CHN1: variants seen among roughly 807,000 people sequenced by gnomAD.
The protein encoded by CHN1 is chimerin 1, also known as N-chimaerin.
CHN1 carries 37 observed loss-of-function variants against 59.5 expected under a neutral mutation model. The ratio of observed to expected loss-of-function variants is 0.62; its 90% CI spans 0.48 to 0.82. The LOEUF is 0.82. CHN1 is among the 40% of genes least tolerant of loss of function. The pLI, the probability that CHN1 is intolerant of heterozygous loss-of-function variation, is 0.00. For missense variants in CHN1, 469 were observed against 571.0 expected (o/e 0.82, Z 1.82); for synonymous variants, 206 against 200.4 (o/e 1.03, Z -0.24).
At chr2:174,955,107 ATC>A (rs1202018585) in intron 1 of CHN1, among the ~76,000 whole-genome samples, 7 of 147,936 alleles carry the variant, frequency 4.7e-5, no homozygotes, top group African/African-American at 1.8e-4. Context: ...ATATATATAG[ATC>A]TATAGATCTA....
intron 1 of CHN1, among the ~76,000 whole-genome samples, chr2:174,992,022 G>A (rs915927626): frequency 6.6e-6 from 1 of 152,170 alleles, no homozygotes; most frequent in Non-Finnish European, 1.5e-5. Flanking sequence ...GAGATTCACA[G>A]AAAAAATGAT....
At chr2:174,888,507 C>G (rs1381461195) in intron 5 of CHN1, among the ~76,000 whole-genome samples, 1 of 152,068 alleles carries the variant, frequency 6.6e-6, no homozygotes, top group Non-Finnish European at 1.5e-5. Flanking sequence ...GGAGACAAAT[C>G]AAAACAAACA....
At chr2:174,937,997 GAACT>G (rs1689546107) in intron 3 of CHN1, among the ~76,000 whole-genome samples, 1 of 151,938 alleles carries the variant, frequency 6.6e-6, no homozygotes, top group Admixed American at 6.6e-5. Context: ...AGCACAAAAT[GAACT>G]AACACAGTAG....
intron 6 of CHN1, among the ~76,000 whole-genome samples, chr2:174,850,042 T>G (rs899101388): frequency 2.6e-5 from 4 of 152,216 alleles, no homozygotes; most frequent in Non-Finnish European, 4.4e-5. Flanking sequence ...CAAGATCTTA[T>G]GATCTCAAGT....
intron 7 of CHN1, among the ~76,000 whole-genome samples, chr2:174,834,202 C>T (rs1376431855): frequency 6.6e-6 from 1 of 152,182 alleles, no homozygotes; most frequent in Non-Finnish European, 1.5e-5. Context: ...TCCACTTCCC[C>T]CATCCTCTAC....
intron 7 of CHN1, among the ~76,000 whole-genome samples, chr2:174,846,602 T>C (rs1323316138): frequency 6.6e-6 from 1 of 152,194 alleles, no homozygotes; most frequent in Non-Finnish European, 1.5e-5. Context: ...AAATCATCAT[T>C]AACTGAGACC....
At chr2:174,800,919 G>A (rs1441256943) in intron 12 of CHN1, among the ~76,000 whole-genome samples, 4 of 152,192 alleles carry the variant, frequency 2.6e-5, no homozygotes, top group African/African-American at 9.6e-5. Flanking sequence ...TTAAACAAAG[G>A]TTTTAACTCA....
At chr2:174,807,216 G>A (rs1462767545) in intron 11 of CHN1, among the ~76,000 whole-genome samples, 2 of 152,156 alleles carry the variant, frequency 1.3e-5, no homozygotes, top group Non-Finnish European at 2.9e-5. Context: ...CAAAGGCCTC[G>A]AAGTCCAAGA....
At position 174,909,727 on chromosome 2, in the gene CHN1, G is replaced by A. The variant is rs146525255; in HGVS notation, c.260+5331C>T. On this transcript the variant is annotated intron_variant, in intron 5 of 12. Transcript: ENST00000409900. ...TGCTATTATTACATTTCTGAACTTA[G>A]TATGTGAGATATTACCTTAAATAAC... Among the ~76,000 whole-genome samples, 3 of 152,276 alleles carry A rather than the reference G, an allele frequency of 2.0e-5. No individual in the cohort carries two copies. In the East Asian group the frequency reaches 5.8e-4, roughly 29 times the overall value.
chr2:174,978,761 C>T (rs1170475955), intron 1 of CHN1, among the ~76,000 whole-genome samples: 2 of 152,124 alleles, frequency 1.3e-5, no homozygotes, highest in East Asian at 1.9e-4. Context: ...ATGTAGCTAA[C>T]GATACACAAT....
chr2:174,982,389 G>A (rs1691184063), intron 1 of CHN1, among the ~76,000 whole-genome samples: 1 of 152,132 alleles, frequency 6.6e-6, no homozygotes, highest in Non-Finnish European at 1.5e-5. Flanking sequence ...TTCCACAGTG[G>A]TTGAACTAGT....
intron 4 of CHN1, among the ~76,000 whole-genome samples, chr2:174,917,943 A>G (rs1688895412): frequency 6.6e-6 from 1 of 152,120 alleles, no homozygotes; most frequent in African/African-American, 2.4e-5. Flanking sequence ...CATTTTTCAC[A>G]AAACAGAAAA....
At chr2:174,955,848 C>G (rs748663481) in intron 1 of CHN1, among the ~76,000 whole-genome samples, 1 of 151,972 alleles carries the variant, frequency 6.6e-6, no homozygotes, top group Non-Finnish European at 1.5e-5. Flanking sequence ...AAGTATTGAG[C>G]ACACAAGGAT....
chr2:174,939,836 A>G lies in CHN1; in HGVS notation c.114+5052T>C, dbSNP rs1689603084. On this transcript the variant is annotated intron_variant, in intron 3 of 12. Coordinates refer to ENST00000409900, the MANE Select transcript of CHN1 (RefSeq NM_001822.7). ...ACATATACACAGACTGGAAATCTACATATATCTAAACTGCAACTGGACATT... is the reference window on the plus strand; with the variant it reads ...ACATATACACAGACTGGAAATCTACGTATATCTAAACTGCAACTGGACATT... Among the ~76,000 whole-genome samples, 4 of 152,194 alleles carry G rather than the reference A, an allele frequency of 2.6e-5. No homozygotes were observed. In the South Asian group the frequency reaches 8.3e-4, roughly 31 times the overall value.
In CHN1 at chr2:174,809,012, A is replaced by G; in HGVS notation, c.995T>C (p.Met332Thr). 2 of 1,610,612 alleles carry G rather than the reference A, an allele frequency of 1.2e-6. No individual in the cohort carries two copies. Among genetic ancestry groups the G allele is most frequent in the Non-Finnish European group, 8.5e-7 (1 of 1,178,592 alleles). Residue 332 changes from methionine (M) to threonine (T), a missense_variant, in exon 11 of 13, where the codon ATG (methionine) becomes ACG (threonine). Met to Thr is a moderately conservative substitution (Grantham distance 81). This residue lies in a region of CHN1 where 225 missense variants were observed against 289.9 expected (regional missense o/e 0.78). Transcript: ENST00000409900. ...DGEKADISVN[M>T]YEDINIITGA... The stretch of plus-strand genomic sequence containing the variant: ...AGTGATAATGTTGATATCTTCATAC[A>G]TGTTCACAGAAATATCTGCCTTCTC...
At chr2:175,001,647 T>C (rs939118002) in intron 1 of CHN1, among the ~76,000 whole-genome samples, 8 of 152,206 alleles carry the variant, frequency 5.3e-5, no homozygotes, top group African/African-American at 1.9e-4. Context: ...CAGAGGTGAC[T>C]CTACCCAGAT....
At chr2:174,994,967 C>T (rs1691660445) in intron 1 of CHN1, among the ~76,000 whole-genome samples, 1 of 151,644 alleles carries the variant, frequency 6.6e-6, no homozygotes, top group African/African-American at 2.4e-5. Flanking sequence ...TTTAAGTTTC[C>T]GATTACAGAC....
chr2:174,827,690 T>C (rs1381824224), intron 7 of CHN1, among the ~76,000 whole-genome samples: 1 of 151,882 alleles, frequency 6.6e-6, no homozygotes, highest in Non-Finnish European at 1.5e-5. Context: ...CAACAGACGA[T>C]ATGGAGCTGA....
chr2:174,976,934 T>C (rs1217604859), intron 1 of CHN1, among the ~76,000 whole-genome samples: 1 of 152,330 alleles, frequency 6.6e-6, no homozygotes, highest in East Asian at 1.9e-4. Flanking sequence ...ATACTGTCAA[T>C]GGTCCTATTA....
Sources: gnomAD v4.1 joint callset for allele counts (sites outside exome capture counted in the v4.1 genomes callset) on GRCh38, gnomAD v4.1.1 for gene constraint, gnomAD v4.1.1 regional missense constraint, MANE v1.5 for transcripts, NCBI Gene and HGNC (gene_info 2026-07-23, HGNC 2026-07-21) for gene names.